Variants in FAM120A observed in about 807,000 individuals in gnomAD.
The protein encoded by FAM120A is constitutive coactivator of PPAR-gamma-like protein 1.
Under a neutral mutation model 109.7 loss-of-function variants are expected in FAM120A, and 15 were observed. The ratio of observed to expected loss-of-function variants is 0.14; its 90% CI spans 0.09 to 0.21. The LOEUF is 0.21. Among genes scored for constraint, FAM120A ranks in the 10% least tolerant of loss-of-function variants. The probability of loss-of-function intolerance (pLI) is 1.00; values close to 1 mark genes in which losing one functional copy is unlikely to be tolerated. For missense variants in FAM120A, 899 were observed against 1,439.3 expected (o/e 0.62, Z 6.07); for synonymous variants, 493 against 572.8 (o/e 0.86, Z 1.99).
At chr9:93,459,915 G>GCTTTATGC (rs954568528) in intron 1 of FAM120A, among the ~76,000 whole-genome samples, 2 of 152,198 alleles carry the variant, frequency 1.3e-5, no homozygotes, top group Non-Finnish European at 2.9e-5. Flanking sequence ...AGAATTATAA[G>GCTTTATGC]CTTTATGCCT....
Position 93,451,967 on chromosome 9 carries a change from G to A in FAM120A, c.52G>A (p.Val18Met). The change falls in exon 1 of 18, where the codon GTG becomes ATG. Residue 18 changes from valine (V) to methionine (M), a missense_variant. Coordinates refer to ENST00000277165, the MANE Select transcript of FAM120A (RefSeq NM_014612.5). Reference protein sequence around the residue: ...DYIEKHCPSAVVPVELQKLAR... With the variant: ...DYIEKHCPSAMVPVELQKLAR... The stretch of plus-strand genomic sequence containing the variant: ...CATCGAGAAGCACTGCCCGAGCGCC[G>A]TGGTGCCGGTGGAGCTGCAGAAGCT... 2 of 1,539,734 alleles carry A rather than the reference G, an allele frequency of 1.3e-6. No homozygotes were observed. Among genetic ancestry groups the A allele is most frequent in the African/African-American group, 1.4e-5 (1 of 72,632 alleles).
chr9:93,485,272 A>C (rs1330362534), intron 3 of FAM120A, among the ~76,000 whole-genome samples: 1 of 152,098 alleles, frequency 6.6e-6, no homozygotes, highest in Non-Finnish European at 1.5e-5. Context: ...GGTGCCAGGC[A>C]AGTTCCTTCC....
intron 3 of FAM120A, among the ~76,000 whole-genome samples, chr9:93,491,344 T>C (rs1859310202): frequency 6.6e-6 from 1 of 152,224 alleles, no homozygotes; most frequent in Admixed American, 6.5e-5. Context: ...GTCAGGGAGA[T>C]AGCCCTGTGG....
At chr9:93,490,189 T>C (rs1182936486) in intron 3 of FAM120A, among the ~76,000 whole-genome samples, 1 of 152,250 alleles carries the variant, frequency 6.6e-6, no homozygotes, top group East Asian at 1.9e-4. Context: ...TCCCCTTCAC[T>C]GTTTTCCACT....
chr9:93,510,561 T>C (rs1860271669), intron 5 of FAM120A, among the ~76,000 whole-genome samples: 1 of 152,204 alleles, frequency 6.6e-6, no homozygotes, highest in African/African-American at 2.4e-5. Flanking sequence ...CAGAAACTAA[T>C]TTATCTTATT....
chr9:93,485,556 C>T (rs557000346), intron 3 of FAM120A, among the ~76,000 whole-genome samples: 23 of 152,238 alleles, frequency 1.5e-4, no homozygotes, highest in African/African-American at 5.3e-4. Flanking sequence ...TTGATCTGTG[C>T]CACTGTGCTC....
chr9:93,531,834 CTA>C (rs1285730912), intron 9 of FAM120A, among the ~76,000 whole-genome samples: 1 of 152,182 alleles, frequency 6.6e-6, no homozygotes, highest in Non-Finnish European at 1.5e-5. Flanking sequence ...TCAGTCTTTT[CTA>C]TTCTGTTTCT....
rs1862570682 is a variant in FAM120A, at chr9:93,564,333, T to C, written c.3150T>C (p.Ala1050=). The C allele has an allele frequency of 1.2e-6, 2 of 1,614,142 alleles. No individual in the cohort carries two copies. The highest frequency in any genetic ancestry group is 1.7e-6 in the Non-Finnish European group (2 of 1,180,036). ...CTATGTCTTCAGACGGGTCCCTGGC[T>C]GAAAACGGAGTGATGGCCGAGGAGA... ...SSAMSSDGSL[A]ENGVMAEEKP... The change falls in exon 18 of 18, where the codon GCT becomes GCC. Residue 1050 remains alanine, a synonymous_variant. Transcript: ENST00000277165.
chr9:93,460,355 T>G (rs544049757), intron 1 of FAM120A, among the ~76,000 whole-genome samples: 5 of 152,340 alleles, frequency 3.3e-5, no homozygotes, highest in African/African-American at 1.2e-4. Flanking sequence ...TTTTCGCTTT[T>G]TTTTGAGATG....
At chr9:93,510,078 G>A (rs761175792) in intron 5 of FAM120A, among the ~76,000 whole-genome samples, 14 of 152,214 alleles carry the variant, frequency 9.2e-5, no homozygotes, top group South Asian at 4.1e-4. Context: ...CCAGAGGGAA[G>A]TCAGAGCATT....
intron 10 of FAM120A, among the ~76,000 whole-genome samples, chr9:93,533,783 C>T (rs1487097406): frequency 6.6e-6 from 1 of 152,200 alleles, no homozygotes. Flanking sequence ...AATCCTGTGA[C>T]ATCCTGGGTG....
At chr9:93,499,298 TTTG>T (rs776371421) in intron 5 of FAM120A, among the ~76,000 whole-genome samples, 4 of 152,056 alleles carry the variant, frequency 2.6e-5, no homozygotes, top group Non-Finnish European at 5.9e-5. Context: ...TTAATTCTTT[TTTG>T]TTGTTGAGCA....
intron 2 of FAM120A, among the ~76,000 whole-genome samples, chr9:93,475,519 T>C (rs1858512332): frequency 6.6e-6 from 1 of 152,224 alleles, no homozygotes; most frequent in Non-Finnish European, 1.5e-5. Context: ...AGGAAATTAC[T>C]GCTTTGAGAT....
At chr9:93,459,522 A>T (rs918711863) in intron 1 of FAM120A, among the ~76,000 whole-genome samples, 2 of 152,178 alleles carry the variant, frequency 1.3e-5, no homozygotes, top group African/African-American at 4.8e-5. Context: ...CCAGGCCTGG[A>T]GGAGTGAACA....
chr9:93,455,453 A>G (rs1857509681), intron 1 of FAM120A, among the ~76,000 whole-genome samples: 2 of 152,204 alleles, frequency 1.3e-5, no homozygotes, highest in Non-Finnish European at 2.9e-5. Context: ...AATCAGAACT[A>G]TTCATCCAAA....
At chr9:93,476,405 A>G in intron 3 of FAM120A, 67 bp downstream of exon 3, 1 of 1,073,310 alleles carries the variant, frequency 9.3e-7, no homozygotes, top group Non-Finnish European at 1.4e-6. Context: ...TTACTTTAAT[A>G]ACATGTTAGG....
At chr9:93,556,715 G>A in intron 13 of FAM120A, 124 bp downstream of exon 13, 1 of 902,670 alleles carries the variant, frequency 1.1e-6, no homozygotes, top group Non-Finnish European at 1.7e-6. Context: ...GGTTGGGCCT[G>A]GTACTGAGTG....
At chr9:93,467,087 G>T (rs1221218905) in intron 1 of FAM120A, among the ~76,000 whole-genome samples, 1 of 152,092 alleles carries the variant, frequency 6.6e-6, no homozygotes, top group Non-Finnish European at 1.5e-5. Context: ...AGGTTGATTT[G>T]TTTTTTCATT....
chr9:93,557,949 T>C lies in FAM120A; in HGVS notation c.2607T>C (p.Ser869=). The C allele has an allele frequency of 6.2e-7, 1 of 1,606,874 alleles. No individual in the cohort carries two copies. Among genetic ancestry groups the C allele is most frequent in the East Asian group, 2.2e-5 (1 of 44,880 alleles). ...PPPALPFYPA[S]AYPRHFGPVP... ...CTGCCCTGCCCTTCTACCCTGCCTC[T>C]GCGTACCCCCGGCACTTTGGGCCTG... Residue 869 remains serine (S), a synonymous_variant, in exon 14 of 18, where the codon TCT becomes TCC. Transcript: ENST00000277165.
Sources: allele counts gnomAD v4.1 joint callset (sites outside exome capture counted in the v4.1 genomes callset), GRCh38; gene constraint gnomAD v4.1.1; transcripts MANE v1.5; gene names NCBI Gene and HGNC (gene_info 2026-07-23, HGNC 2026-07-21).